The following ZNF777 variants were observed in gnomAD, a reference collection of about 807,000 sequenced individuals.
ZNF777 encodes zinc finger protein 777.
ZNF777 carries 7 observed loss-of-function variants against 72.1 expected under a neutral mutation model. That is an observed-to-expected ratio of 0.10 (90% CI 0.06 to 0.18). The LOEUF (loss-of-function observed/expected upper bound fraction) is 0.18. Ranked by LOEUF, ZNF777 falls within the 10% of genes least tolerant of loss-of-function variation. The pLI is 1.00. For synonymous variants in ZNF777, 545 were observed against 483.5 expected (o/e 1.13, Z -1.67); for missense variants, 828 against 1,128.6 (o/e 0.73, Z 3.82).
chr7:149,436,857 GA>G lies in ZNF777; in HGVS notation c.1088-32del. ...AGAGGGTGGGCAGGGGTGAGGAGGA[GA>G]AAAGAACCCAGAATGTTCATGCCAA... is the stretch of plus-strand genomic sequence containing the variant. On this transcript the variant is annotated intron_variant, in intron 4 of 5. Transcript: ENST00000247930. This position sits in a 1 kb window ranked among gnomAD's most constrained non-coding sequence, Gnocchi z 5.0. The G allele has an allele frequency of 1.9e-6, 3 of 1,590,910 alleles. No homozygotes were observed. Among genetic ancestry groups the G allele is most frequent in the East Asian group, 2.3e-5 (1 of 44,286 alleles).
chr7:149,450,394 T>C (rs919711139), intron 4 of ZNF777, among the ~76,000 whole-genome samples: 1 of 152,226 alleles, frequency 6.6e-6, no homozygotes, highest in African/African-American at 2.4e-5. Flanking sequence ...AGTTCTATTT[T>C]ATAGATGAGG....
chr7:149,437,168 TG>T (rs1187007259), intron 4 of ZNF777, among the ~76,000 whole-genome samples: 1 of 152,152 alleles, frequency 6.6e-6, no homozygotes, highest in Admixed American at 6.5e-5. Context: ...TCGAGTGCTG[TG>T]GTGTGATCAT....
intron 4 of ZNF777, among the ~76,000 whole-genome samples, chr7:149,443,640 CT>C (rs939128667): frequency 6.6e-6 from 1 of 151,892 alleles, no homozygotes; most frequent in African/African-American, 2.4e-5. Context: ...TTCAAAACTT[CT>C]TTTTTTTGAG....
intron 3 of ZNF777, among the ~76,000 whole-genome samples, chr7:149,453,149 TGA>T (rs534877371): frequency 3.9e-5 from 6 of 152,106 alleles, no homozygotes; most frequent in Non-Finnish European, 8.8e-5. Flanking sequence ...CAAAAAAAGA[TGA>T]GAGAGAACAC....
At chr7:149,454,051 T>C (rs1799775810) in intron 3 of ZNF777, 60 bp downstream of exon 3, 2 of 1,605,766 alleles carry the variant, frequency 1.2e-6, no homozygotes, top group Non-Finnish European at 1.7e-6. Flanking sequence ...TCCCTAAGTT[T>C]ATGAATGCAC....
intron 4 of ZNF777, among the ~76,000 whole-genome samples, chr7:149,437,799 C>CTTTTTTTTTTTTTTTTTTTTTTTTTT (rs796721387): frequency 8.6e-6 from 1 of 115,652 alleles, no homozygotes. Flanking sequence ...ATGTTTGTTT[C>CTTTTTTTTTTTTTTTTTTTTTTTTTT]TTTTTCTTTT....
At position 149,459,628 on chromosome 7, in the gene ZNF777, G is replaced by A. The variant is rs150823478; in HGVS notation, c.-16+1187C>T. The stretch of plus-strand genomic sequence containing the variant: ...GCAGCCCTCTGGGCAGGCCTTTCTG[G>A]GGCTGCCGCACCGTGCCACGGATGC... On this transcript the variant is annotated intron_variant, in intron 1 of 5. Coordinates refer to ENST00000247930, the MANE Select transcript of ZNF777 (RefSeq NM_015694.3). 4,621 of 985,086 alleles carry A rather than the reference G, an allele frequency of 4.7e-3. 159 individuals are homozygous for A. In the African/African-American group the frequency reaches 0.075, roughly 16 times the overall value. 61.0% of individuals were successfully genotyped at this position (985,086 alleles called of 1,614,324 possible).
In ZNF777 at chr7:149,432,167, C is replaced by G; in HGVS notation, c.2105G>C (p.Ser702Thr). The G allele has an allele frequency of 6.2e-7, 1 of 1,604,900 alleles. No individual in the cohort carries two copies. Among genetic ancestry groups the G allele is most frequent in the Non-Finnish European group, 8.5e-7 (1 of 1,179,842 alleles). The change falls in exon 6 of 6, where the codon AGC becomes ACC. Residue 702 changes from serine to threonine, a missense_variant. By Grantham distance (58) the Ser-to-Thr change is moderately conservative. Coordinates refer to ENST00000247930, the MANE Select transcript of ZNF777 (RefSeq NM_015694.3). The part of the protein sequence containing the change: ...VSFICSLCGK[S>T]FSRPSHLLRH... Reference sequence around the variant, plus strand: ...CAGCAGGTGCGAGGGGCGGCTGAAGCTCTTGCCGCACAGGCTGCAGATGAA... The same window carrying G: ...CAGCAGGTGCGAGGGGCGGCTGAAGGTCTTGCCGCACAGGCTGCAGATGAA...
At chr7:149,459,325 T>C (rs1799895857) in intron 1 of ZNF777, among the ~76,000 whole-genome samples, 1 of 152,132 alleles carries the variant, frequency 6.6e-6, no homozygotes, top group Admixed American at 6.5e-5. Flanking sequence ...TAAGAGTGTC[T>C]TCCTGAAGAG....
At chr7:149,458,148 T>G (rs957348021) in intron 1 of ZNF777, among the ~76,000 whole-genome samples, 2 of 152,214 alleles carry the variant, frequency 1.3e-5, no homozygotes, top group African/African-American at 4.8e-5. Flanking sequence ...GGGACCTCTT[T>G]GAAAACCTAA....
chr7:149,440,785 A>G (rs2116579461), intron 4 of ZNF777, among the ~76,000 whole-genome samples: 1 of 151,548 alleles, frequency 6.6e-6, no homozygotes, highest in Middle Eastern at 3.4e-3. Context: ...GAGATGGACT[A>G]AGGACTGGAA....
chr7:149,435,077 T>C (rs997874544), intron 5 of ZNF777, among the ~76,000 whole-genome samples: 3 of 152,264 alleles, frequency 2.0e-5, no homozygotes, highest in African/African-American at 4.8e-5. Context: ...ATTTACCTTA[T>C]GTCTTTTCAC....
chr7:149,459,735 G>C, intron 1 of ZNF777: 1 of 985,126 alleles, frequency 1.0e-6, no homozygotes, highest in Non-Finnish European at 1.2e-6. Context: ...CGAAATGGGA[G>C]AGCCGCGTCA....
At chr7:149,433,188 CT>C (rs1350901282) in intron 5 of ZNF777, among the ~76,000 whole-genome samples, 1 of 152,176 alleles carries the variant, frequency 6.6e-6, no homozygotes, top group African/African-American at 2.4e-5. Context: ...AAAGAGTCCT[CT>C]TTGGATTTTA....
In ZNF777 at chr7:149,431,656, G is replaced by GA. The variant is rs1471785774; in HGVS notation, c.*119dup. 20 of 914,562 alleles carry GA rather than the reference G, an allele frequency of 2.2e-5. No individual in the cohort carries two copies. The highest frequency in any genetic ancestry group is 2.9e-5 in the Non-Finnish European group (20 of 692,166). 56.7% of individuals were successfully genotyped at this position (914,562 alleles called of 1,614,324 possible). ...GGGAGGAGGGACGAGAGGAGAGGGG[G>GA]AGCTCACGGCAAAGGGGCTGGGGGG... On this transcript the variant is annotated 3_prime_UTR_variant, in exon 6 of 6. Coordinates refer to ENST00000247930, the MANE Select transcript of ZNF777 (RefSeq NM_015694.3).
chr7:149,446,818 C>G (rs993157639), intron 4 of ZNF777, among the ~76,000 whole-genome samples: 9 of 152,160 alleles, frequency 5.9e-5, no homozygotes, highest in African/African-American at 2.2e-4. Context: ...CACCCACTGA[C>G]TATCAGGCTG....
chr7:149,458,680 GA>G (rs1454859683), intron 1 of ZNF777, among the ~76,000 whole-genome samples: 1 of 152,226 alleles, frequency 6.6e-6, no homozygotes, highest in Non-Finnish European at 1.5e-5. Context: ...GAGGACTGTA[GA>G]GGGGCCACAG....
chr7:149,456,303 T>C (rs1043108544), intron 1 of ZNF777, among the ~76,000 whole-genome samples: 6 of 152,246 alleles, frequency 3.9e-5, no homozygotes, highest in African/African-American at 1.4e-4. Context: ...ATTGCACGGG[T>C]ACCTTACGAA....
chr7:149,432,736 T>C lies in ZNF777; in HGVS notation c.1536A>G (p.Ala512=). ...GCACGGAGGGCGCCAGCCTTTTCAC[T>C]GCGGGGTTTCCTAGCTGCAGGGGCG... is the stretch of plus-strand genomic sequence containing the variant. ...SPPPLQLGNP[A]VKRLAPSVHG... The change falls in exon 6 of 6, where the codon GCA becomes GCG. Residue 512 remains alanine, a synonymous_variant. Transcript: ENST00000247930. The C allele has an allele frequency of 6.2e-7, 1 of 1,611,784 alleles. No homozygotes were observed. The highest frequency in any genetic ancestry group is 1.1e-5 in the South Asian group (1 of 90,966).
Sources: allele counts gnomAD v4.1 joint callset (sites outside exome capture counted in the v4.1 genomes callset), GRCh38; gene constraint gnomAD v4.1.1; non-coding constraint Gnocchi (gnomAD v3.1); transcripts MANE v1.5; gene names NCBI Gene and HGNC (gene_info 2026-07-23, HGNC 2026-07-21).